Variants in SCLT1 observed in about 807,000 individuals in gnomAD.
SCLT1 encodes sodium channel and clathrin linker 1, also known as sodium channel-associated protein 1.
A neutral mutation model predicts 112.8 loss-of-function variants in SCLT1; 78 were observed. The ratio of observed to expected loss-of-function variants is 0.69; its 90% CI spans 0.58 to 0.83. The LOEUF (loss-of-function observed/expected upper bound fraction) is 0.83. SCLT1 is among the 40% of genes least tolerant of loss of function. The pLI, the probability that SCLT1 is intolerant of heterozygous loss-of-function variation, is 0.00. For synonymous variants in SCLT1, 257 were observed against 254.7 expected, an observed-to-expected ratio of 1.01 and a Z score of -0.09; for missense variants, 747 against 770.4, an observed-to-expected ratio of 0.97 and a Z score of 0.36.
At chr4:128,909,347 T>G (rs1734922512) in intron 18 of SCLT1, among the ~76,000 whole-genome samples, 1 of 152,144 alleles carries the variant, frequency 6.6e-6, no homozygotes, top group Non-Finnish European at 1.5e-5. Context: ...ACCTCCTGGC[T>G]CAAGTGGTTC....
Position 129,082,916 on chromosome 4 carries a change from G to C in SCLT1, c.35-543C>G, listed in dbSNP as rs1035747360. ...CTTGGTAATAACAAGGCCAGCCCAG[G>C]CCCGGTGACTCATGCCTGTAATCCT... is the stretch of plus-strand genomic sequence containing the variant. On this transcript the variant is annotated intron_variant, in intron 1 of 20. Coordinates refer to ENST00000281142, the MANE Select transcript of SCLT1 (RefSeq NM_144643.4). Among the ~76,000 whole-genome samples, 13 of 152,074 alleles carry C rather than the reference G, an allele frequency of 8.5e-5. 1 individual carries two copies. Among genetic ancestry groups the C allele is most frequent in the Non-Finnish European group, 1.5e-4 (10 of 68,018 alleles).
chr4:129,029,142 AG>A (rs1746442723), intron 5 of SCLT1, among the ~76,000 whole-genome samples: 1 of 152,172 alleles, frequency 6.6e-6, no homozygotes, highest in African/African-American at 2.4e-5. Context: ...ATCTAGAACT[AG>A]AAATACCATT....
chr4:128,975,459 AT>A (rs1741081838), intron 9 of SCLT1, among the ~76,000 whole-genome samples: 1 of 152,176 alleles, frequency 6.6e-6, no homozygotes, highest in Admixed American at 6.5e-5. Context: ...AAATGCTTTA[AT>A]TATCAATACA....
At chr4:129,054,974 T>C (rs1241412645) in intron 2 of SCLT1, among the ~76,000 whole-genome samples, 1 of 152,206 alleles carries the variant, frequency 6.6e-6, no homozygotes, top group African/African-American at 2.4e-5. Flanking sequence ...ATGTTGATGT[T>C]ACTGGTTTCC....
At chr4:128,943,626 T>TG (rs1378946284) in intron 16 of SCLT1, among the ~76,000 whole-genome samples, 2 of 152,170 alleles carry the variant, frequency 1.3e-5, no homozygotes, top group Non-Finnish European at 2.9e-5. Flanking sequence ...TACTTTTATA[T>TG]TTTTCCATTA....
At chr4:128,941,735 T>C (rs1257554371) in intron 17 of SCLT1, among the ~76,000 whole-genome samples, 2 of 152,136 alleles carry the variant, frequency 1.3e-5, no homozygotes, top group African/African-American at 4.8e-5. Context: ...TTAAGAAATA[T>C]TTCAAACCCA....
At chr4:129,054,318 C>G (rs914384860) in intron 2 of SCLT1, among the ~76,000 whole-genome samples, 2 of 152,114 alleles carry the variant, frequency 1.3e-5, no homozygotes, top group African/African-American at 4.8e-5. Flanking sequence ...TGGAGAAGTT[C>G]TCCTGGATAA....
At chr4:128,997,736 G>A in intron 8 of SCLT1, 138 bp downstream of exon 8, 1 of 463,718 alleles carries the variant, frequency 2.2e-6, no homozygotes, top group South Asian at 4.2e-5. Flanking sequence ...TCATGCTATT[G>A]AATGAGAAAG....
intron 14 of SCLT1, chr4:128,952,336 A>G: frequency 1.1e-5 from 5 of 457,230 alleles, no homozygotes; most frequent in South Asian, 6.2e-5. Flanking sequence ...TCTATTTCCA[A>G]TCTCACCTCT....
Position 129,043,995 on chromosome 4 carries a change from T to C in SCLT1, c.159A>G (p.Gln53=). 6.8e-7 allele frequency: 1 copy of C among 1,474,226 alleles called. No individual in the cohort carries two copies. Among genetic ancestry groups the C allele is most frequent in the Non-Finnish European group, 9.4e-7 (1 of 1,060,566 alleles). 91.3% of individuals were successfully genotyped at this position (1,474,226 alleles called of 1,614,324 possible). A position where few individuals can be genotyped will look rare whatever the true frequency, so the allele number is the denominator to read the frequency against. Residue 53 remains glutamine (Q), a splice_region_variant and synonymous_variant, in exon 3 of 21, where the codon CAA becomes CAG. Transcript: ENST00000281142. ...ATATTATTCTGGTAATACTTTACCT[T>C]TGGTCAAATACTAGGTTTTCAAATG... ...DDTFENLVFD[Q]SFLAPLVTEY...
At chr4:128,948,310 T>C (rs1488840412) in intron 15 of SCLT1, among the ~76,000 whole-genome samples, 186 bp downstream of exon 15, 4 of 118,828 alleles carry the variant, frequency 3.4e-5, no homozygotes, top group Non-Finnish European at 4.8e-5. Flanking sequence ...CAATCCAGCC[T>C]GGGTGACAGA....
At chr4:128,877,522 C>A (rs143495591) in intron 3 of SCLT1, among the ~76,000 whole-genome samples, 3,644 of 151,934 alleles carry the variant, frequency 0.024, 116 homozygotes, top group African/African-American at 0.074. Context: ...TCTACTAAAA[C>A]TACAAAAAAT....
intron 4 of SCLT1, among the ~76,000 whole-genome samples, chr4:129,041,020 GAATC>G (rs1230101533): frequency 2.6e-5 from 4 of 152,224 alleles, no homozygotes; most frequent in African/African-American, 4.8e-5. Context: ...AGAAATAAAT[GAATC>G]AGATTGTAAA....
intron 5 of SCLT1, among the ~76,000 whole-genome samples, chr4:129,017,546 T>A (rs564750669): frequency 4.5e-4 from 69 of 151,916 alleles, no homozygotes; most frequent in African/African-American, 1.5e-3. Flanking sequence ...CATTATTTTT[T>A]ATGTATGGTT....
At chr4:128,931,755 C>T (rs1226166472) in intron 18 of SCLT1, among the ~76,000 whole-genome samples, 1 of 152,204 alleles carries the variant, frequency 6.6e-6, no homozygotes, top group Admixed American at 6.5e-5. Flanking sequence ...AGCCACCGCA[C>T]CCGGCCTACA....
At chr4:128,931,156 A>AGGTTTTTGG (rs1375994421) in intron 18 of SCLT1, among the ~76,000 whole-genome samples, 1 of 151,606 alleles carries the variant, frequency 6.6e-6, no homozygotes, top group Non-Finnish European at 1.5e-5. Flanking sequence ...ACTAGGCAGA[A>AGGTTTTTGG]GGTTTTTGGG....
downstream of SCLT1, among the ~76,000 whole-genome samples, chr4:128,883,420 A>C (rs1294125995): frequency 6.6e-6 from 1 of 152,004 alleles, no homozygotes; most frequent in East Asian, 1.9e-4. Flanking sequence ...GTGAAAGGGT[A>C]GGGGAGGGAC....
At chr4:128,953,977 T>C (rs1225973505) in intron 13 of SCLT1, among the ~76,000 whole-genome samples, 1 of 152,142 alleles carries the variant, frequency 6.6e-6, no homozygotes, top group Non-Finnish European at 1.5e-5. Context: ...TTAATTAACA[T>C]TTAAATATCT....
In SCLT1 at chr4:128,888,842, C is replaced by G. The variant is rs917849175; in HGVS notation, c.1909-68G>C. 6.6e-6 allele frequency: 6 copies of G among 911,708 alleles called. No individual in the cohort carries two copies. In the African/African-American group the frequency reaches 1.0e-4, roughly 15 times the overall value. 56.5% of individuals were successfully genotyped at this position (911,708 alleles called of 1,614,324 possible). A position where few individuals can be genotyped will look rare whatever the true frequency, so the allele number is the denominator to read the frequency against. On this transcript the variant is annotated intron_variant, in intron 19 of 20. Coordinates refer to ENST00000281142, the MANE Select transcript of SCLT1 (RefSeq NM_144643.4). The stretch of plus-strand genomic sequence containing the variant: ...ACATGGAGATGTTTTGTGGAATAAT[C>G]AACGAAAAATCTGGACATCACTTTA...
Sources: gnomAD v4.1 joint callset for allele counts (sites outside exome capture counted in the v4.1 genomes callset) on GRCh38, gnomAD v4.1.1 for gene constraint, MANE v1.5 for transcripts, NCBI Gene and HGNC (gene_info 2026-07-23, HGNC 2026-07-21) for gene names.